FRMD5: variants seen among roughly 807,000 people sequenced by gnomAD.
FRMD5 encodes FERM domain containing 5.
A neutral mutation model predicts 69.0 loss-of-function variants in FRMD5; 20 were observed. The ratio of observed to expected loss-of-function variants is 0.29; its 90% confidence interval spans 0.20 to 0.42. The LOEUF (loss-of-function observed/expected upper bound fraction) is 0.42, where lower values mean the gene tolerates loss of function less well. FRMD5 is among the 10% of genes least tolerant of loss of function. The probability of loss-of-function intolerance (pLI) is 1.00; values close to 1 mark genes in which losing one functional copy is unlikely to be tolerated. For synonymous variants in FRMD5, 271 were observed against 260.1 expected (o/e 1.04, Z -0.40); for missense variants, 595 against 708.6 (o/e 0.84, Z 1.82).
chr15:43,907,373 G>A (rs535203540), intron 5 of FRMD5, among the ~76,000 whole-genome samples: 53 of 152,260 alleles, frequency 3.5e-4, no homozygotes, highest in African/African-American at 1.2e-3. Context: ...CTTGAGCCTT[G>A]CAGTCTTTTT....
intron 1 of FRMD5, among the ~76,000 whole-genome samples, chr15:44,066,139 T>G (rs1232713163): frequency 6.6e-6 from 1 of 152,226 alleles, no homozygotes; most frequent in Admixed American, 6.5e-5. Flanking sequence ...TTTTCTGCTT[T>G]ATCTTTTCAA....
chr15:44,135,718 A>G (rs954230049), intron 1 of FRMD5, among the ~76,000 whole-genome samples: 3 of 151,016 alleles, frequency 2.0e-5, no homozygotes, highest in Non-Finnish European at 4.4e-5. Context: ...CCAGCTACTC[A>G]GGAGGCTGAG....
rs117181337 is a variant in FRMD5, at chr15:43,953,080, C to T, written c.103-28771G>A. On this transcript the variant is annotated intron_variant, in intron 1 of 13. Coordinates refer to ENST00000417257, the MANE Select transcript of FRMD5 (RefSeq NM_032892.5). ...ATGACTTTTTCTCTACTGGTAATTC[C>T]GCTTTAGATGTGATAGGAGCCTTGA... 9.3e-4 allele frequency among the ~76,000 whole-genome samples: 141 copies of T among 152,242 alleles called. 2 individuals are homozygous for T. In the East Asian group the frequency reaches 0.024, roughly 26 times the overall value.
At chr15:44,065,313 G>A (rs965877615) in intron 1 of FRMD5, among the ~76,000 whole-genome samples, 1 of 152,022 alleles carries the variant, frequency 6.6e-6, no homozygotes, top group African/African-American at 2.4e-5. Context: ...AAAATATATG[G>A]CACAGTTTCT....
intron 1 of FRMD5, among the ~76,000 whole-genome samples, chr15:44,157,452 A>G (rs2077546240): frequency 6.6e-6 from 1 of 152,208 alleles, no homozygotes; most frequent in Admixed American, 6.5e-5. Context: ...AATTATTAGT[A>G]CCACTGTAGT....
chr15:44,161,977 C>T (rs950674749), intron 1 of FRMD5, among the ~76,000 whole-genome samples: 6 of 149,822 alleles, frequency 4.0e-5, no homozygotes, highest in Non-Finnish European at 6.0e-5. Flanking sequence ...CCCTCTTTTC[C>T]TTGTCTTTTC....
intron 1 of FRMD5, among the ~76,000 whole-genome samples, chr15:44,017,015 C>T (rs918951090): frequency 7.9e-5 from 12 of 151,874 alleles, no homozygotes; most frequent in Non-Finnish European, 1.5e-4. Flanking sequence ...AGTGATCTGC[C>T]CACCTCAGCC....
At chr15:44,023,326 ACATAGGAGTCCTAAG>A (rs932938600) in intron 1 of FRMD5, among the ~76,000 whole-genome samples, 2 of 152,210 alleles carry the variant, frequency 1.3e-5, no homozygotes, top group Non-Finnish European at 2.9e-5. Flanking sequence ...TTATAACCTG[ACATAGGAGTCCTAAG>A]CTATAATGTT....
At chr15:44,143,691 C>A (rs1351470530) in intron 1 of FRMD5, among the ~76,000 whole-genome samples, 1 of 150,888 alleles carries the variant, frequency 6.6e-6, no homozygotes, top group Admixed American at 6.6e-5. Context: ...TTTGGGAGGC[C>A]GAGGCAGGCT....
At chr15:44,145,202 C>T (rs1013067747) in intron 1 of FRMD5, among the ~76,000 whole-genome samples, 1 of 152,166 alleles carries the variant, frequency 6.6e-6, no homozygotes, top group Non-Finnish European at 1.5e-5. Flanking sequence ...TCCAGGCCAT[C>T]AGGGAGCTGG....
intron 2 of FRMD5, among the ~76,000 whole-genome samples, chr15:43,921,970 T>C (rs1427370245): frequency 6.6e-6 from 1 of 152,066 alleles, no homozygotes; most frequent in Non-Finnish European, 1.5e-5. Flanking sequence ...AAGAGGTTTA[T>C]TTTAGGCCCT....
intron 1 of FRMD5, among the ~76,000 whole-genome samples, chr15:43,983,368 T>C (rs2090576771): frequency 6.6e-6 from 1 of 152,220 alleles, no homozygotes; most frequent in South Asian, 2.1e-4. Context: ...AAATCATTAA[T>C]GGAGACTTTT....
intron 1 of FRMD5, among the ~76,000 whole-genome samples, chr15:44,023,801 G>A (rs1051635400): frequency 4.6e-5 from 7 of 152,112 alleles, no homozygotes; most frequent in African/African-American, 1.7e-4. Context: ...GTTATTAACT[G>A]ATTATAAATT....
At chr15:44,102,800 C>T (rs905775043) in intron 1 of FRMD5, among the ~76,000 whole-genome samples, 3 of 152,204 alleles carry the variant, frequency 2.0e-5, no homozygotes, top group African/African-American at 7.2e-5. Context: ...CTTAGACAAG[C>T]AACAGTATAA....
At chr15:43,875,258 G>T (rs1171719252) in intron 13 of FRMD5, among the ~76,000 whole-genome samples, 1 of 150,556 alleles carries the variant, frequency 6.6e-6, no homozygotes, top group African/African-American at 2.4e-5. Flanking sequence ...TTTGTAGGGG[G>T]GCAGATTGCT....
At chr15:43,951,561 C>A (rs2090029389) in intron 1 of FRMD5, among the ~76,000 whole-genome samples, 1 of 151,810 alleles carries the variant, frequency 6.6e-6, no homozygotes, top group Non-Finnish European at 1.5e-5. Context: ...CTTCAAATAC[C>A]AAACAGATTA....
chr15:43,899,937 T>G (rs1398138508), intron 7 of FRMD5, among the ~76,000 whole-genome samples: 1 of 144,592 alleles, frequency 6.9e-6, no homozygotes, highest in Non-Finnish European at 1.5e-5. Flanking sequence ...GTCAGTGTAG[T>G]GCTCGGGCTC....
chr15:43,906,272 G>T (rs192697841), intron 5 of FRMD5, among the ~76,000 whole-genome samples: 3 of 152,160 alleles, frequency 2.0e-5, no homozygotes, highest in Admixed American at 6.5e-5. Context: ...CATCCATTCC[G>T]CCATGAGAAG....
At chr15:44,018,646 C>A (rs76639963) in intron 1 of FRMD5, among the ~76,000 whole-genome samples, 25 of 152,278 alleles carry the variant, frequency 1.6e-4, no homozygotes, top group Admixed American at 3.3e-4. Flanking sequence ...AGGAGTGAGA[C>A]AAAGTGTACA....
Sources: gnomAD v4.1 joint callset for allele counts (sites outside exome capture counted in the v4.1 genomes callset) on GRCh38, gnomAD v4.1.1 for gene constraint, MANE v1.5 for transcripts, NCBI Gene and HGNC (gene_info 2026-07-23, HGNC 2026-07-21) for gene names.